ERC1: variants seen among roughly 807,000 people sequenced by gnomAD.
ERC1 encodes the protein ELKS/RAB6-interacting/CAST family member 1.
ERC1 carries 56 observed loss-of-function variants against 132.0 expected under a neutral mutation model. That is an observed-to-expected ratio of 0.42 (90% CI 0.34 to 0.53). The LOEUF is 0.53. Ranked by LOEUF, ERC1 falls within the 20% of genes least tolerant of loss-of-function variation. The probability of loss-of-function intolerance (pLI) is 0.03; values close to 1 mark genes in which losing one functional copy is unlikely to be tolerated. For synonymous variants in ERC1, 478 were observed against 476.1 expected (o/e 1.00, Z -0.05); for missense variants, 1,202 against 1,349.9 (o/e 0.89, Z 1.72).
chr12:1,023,133 A>C (rs2154146466), intron 1 of ERC1, among the ~76,000 whole-genome samples: 1 of 152,304 alleles, frequency 6.6e-6, no homozygotes, highest in East Asian at 1.9e-4. Context: ...GAATGGACTA[A>C]TACAGGACTC....
At chr12:1,210,510 T>C (rs920602324) in intron 12 of ERC1, among the ~76,000 whole-genome samples, 1 of 152,188 alleles carries the variant, frequency 6.6e-6, no homozygotes, top group African/African-American at 2.4e-5. Context: ...CTAGTTCTTT[T>C]TGCAAGCAGA....
chr12:1,018,304 C>T (rs188047787), intron 1 of ERC1, among the ~76,000 whole-genome samples: 7 of 152,260 alleles, frequency 4.6e-5, no homozygotes, highest in Admixed American at 1.3e-4. Context: ...CGGCTTCAAG[C>T]GATTCTCCAA....
chr12:1,439,804 A>T (rs2093052283), intron 17 of ERC1, among the ~76,000 whole-genome samples: 1 of 152,186 alleles, frequency 6.6e-6, no homozygotes, highest in African/African-American at 2.4e-5. Flanking sequence ...TCTACTTGGC[A>T]AATGTCCCTC....
At chr12:1,204,490 G>T (rs759008355) in intron 12 of ERC1, 90 of 1,586,108 alleles carry the variant, frequency 5.7e-5, no homozygotes, top group Non-Finnish European at 8.5e-6. Context: ...TGGATTTCCT[G>T]TTTCCTTCAG....
chr12:1,461,824 C>T (rs2093651049), intron 18 of ERC1, among the ~76,000 whole-genome samples: 1 of 152,096 alleles, frequency 6.6e-6, no homozygotes, highest in Admixed American at 6.5e-5. Context: ...GGCATAGAGA[C>T]ATAAAACACT....
At chr12:1,276,569 G>C (rs2078288763) in intron 14 of ERC1, among the ~76,000 whole-genome samples, 1 of 151,182 alleles carries the variant, frequency 6.6e-6, no homozygotes, top group South Asian at 2.1e-4. Flanking sequence ...CTTGTACTTA[G>C]TCCTGTTTTT....
intron 2 of ERC1, among the ~76,000 whole-genome samples, chr12:1,063,540 G>A (rs1177935790): frequency 6.6e-6 from 1 of 152,180 alleles, no homozygotes; most frequent in Non-Finnish European, 1.5e-5. Context: ...GGGATTACAG[G>A]TGTGAGCCAC....
Position 1,028,580 on chromosome 12 carries a change from C to T in ERC1, c.669+8C>T, listed in dbSNP as rs756116359. 26 of 1,594,354 alleles carry T rather than the reference C, an allele frequency of 1.6e-5. No homozygotes were observed. The highest frequency in any genetic ancestry group is 2.0e-5 in the Non-Finnish European group (24 of 1,170,758). ...GTACAGGAGGAAAACCAGGTAAGTT[C>T]TACGTGTGTTTACCTTTATTGGCTG... On this transcript the variant is annotated splice_region_variant and intron_variant, in intron 2 of 18. Coordinates refer to ENST00000360905, the MANE Select transcript of ERC1 (RefSeq NM_178040.4).
At chr12:1,120,486 A>C (rs73039022) in intron 7 of ERC1, among the ~76,000 whole-genome samples, 10,975 of 152,236 alleles carry the variant, frequency 0.072, 471 homozygotes, top group Middle Eastern at 0.13. Context: ...ACCACTTTTG[A>C]CTGGCACTTG....
At chr12:1,187,250 G>T (rs1336460287) in intron 11 of ERC1, among the ~76,000 whole-genome samples, 1 of 151,976 alleles carries the variant, frequency 6.6e-6, no homozygotes, top group East Asian at 1.9e-4. Context: ...AAAATTCTTG[G>T]AATTTTATTT....
rs749069133 is a variant in ERC1, at chr12:1,141,594, C to T, written c.1570-26C>T. The T allele has an allele frequency of 3.8e-6, 6 of 1,560,938 alleles. No homozygotes were observed. In the Admixed American group the frequency reaches 5.8e-5, roughly 15 times the overall value. Reference sequence around the variant, plus strand: ...TTACATTCTTTTCTTTTTAATTCATCACTTGTAAAACTCCTACATTCTTAG... The same window carrying T: ...TTACATTCTTTTCTTTTTAATTCATTACTTGTAAAACTCCTACATTCTTAG... On this transcript the variant is annotated intron_variant, in intron 7 of 18. Coordinates refer to ENST00000360905, the MANE Select transcript of ERC1 (RefSeq NM_178040.4).
rs1287738275 is a variant in ERC1 at position 1,469,973 on chromosome 12, G to A, written c.3214-20120G>A. Among the ~76,000 whole-genome samples the A allele has an allele frequency of 5.4e-5, 8 of 148,998 alleles. No homozygotes were observed. In the South Asian group the frequency reaches 1.3e-3, roughly 24 times the overall value. ...CCCGGGGTCACTCAGAGCAGCCCACGGGACCCTAGAGCTCTGGCAGTCGTG... is the reference window on the plus strand; with the variant it reads ...CCCGGGGTCACTCAGAGCAGCCCACAGGACCCTAGAGCTCTGGCAGTCGTG... On this transcript the variant is annotated intron_variant, in intron 18 of 18. Coordinates refer to ENST00000360905, the MANE Select transcript of ERC1 (RefSeq NM_178040.4).
At chr12:1,069,844 A>G (rs549403031) in intron 2 of ERC1, among the ~76,000 whole-genome samples, 5 of 152,344 alleles carry the variant, frequency 3.3e-5, no homozygotes, top group Admixed American at 1.3e-4. Context: ...TAATTAGGTT[A>G]TGGGAAAACT....
chr12:1,269,409 T>C (rs1317150124), intron 14 of ERC1, among the ~76,000 whole-genome samples: 1 of 151,988 alleles, frequency 6.6e-6, no homozygotes, highest in African/African-American at 2.4e-5. Flanking sequence ...ATCATAATGG[T>C]AATAAGGTGG....
chr12:1,009,895 G>A (rs984875245), intron 1 of ERC1, among the ~76,000 whole-genome samples: 1 of 152,072 alleles, frequency 6.6e-6, no homozygotes, highest in Non-Finnish European at 1.5e-5. Flanking sequence ...TTGTTATAAA[G>A]TTTCATTTAA....
chr12:1,131,713 CT>C (rs1948781963), intron 7 of ERC1, among the ~76,000 whole-genome samples: 1 of 152,188 alleles, frequency 6.6e-6, no homozygotes, highest in Non-Finnish European at 1.5e-5. Context: ...GATCCGCCCC[CT>C]TGGCCTCCCA....
chr12:1,130,983 T>TA (rs1181873700), intron 7 of ERC1, among the ~76,000 whole-genome samples: 4 of 152,172 alleles, frequency 2.6e-5, no homozygotes, highest in Non-Finnish European at 5.9e-5. Context: ...ATTTAACTGT[T>TA]AAAAAAATTT....
At chr12:1,475,981 A>T (rs78045818) in intron 18 of ERC1, among the ~76,000 whole-genome samples, 25 of 149,316 alleles carry the variant, frequency 1.7e-4, no homozygotes, top group Non-Finnish European at 3.0e-5. Context: ...AAAAAAAAAA[A>T]GGCTGGGCAA....
chr12:1,312,608 T>G (rs2081387893), intron 15 of ERC1, among the ~76,000 whole-genome samples: 2 of 152,142 alleles, frequency 1.3e-5, no homozygotes, highest in South Asian at 4.1e-4. Flanking sequence ...ATCTGCCCAG[T>G]TTGCCCTCCC....
Sources: gnomAD v4.1 joint callset for allele counts (sites outside exome capture counted in the v4.1 genomes callset) on GRCh38, gnomAD v4.1.1 for gene constraint, MANE v1.5 for transcripts, NCBI Gene and HGNC (gene_info 2026-07-23, HGNC 2026-07-21) for gene names.